ZMYM4: variants seen among roughly 807,000 people sequenced by gnomAD.
ZMYM4 encodes zinc finger MYM-type containing 4, also known as zinc finger MYM-type protein 4.
Under a neutral mutation model 183.2 loss-of-function variants are expected in ZMYM4, and 31 were observed. That is an observed-to-expected ratio of 0.17 (90% CI 0.13 to 0.23). The LOEUF (loss-of-function observed/expected upper bound fraction) is 0.23. ZMYM4 is among the 10% of genes least tolerant of loss of function. ZMYM4 has a pLI of 1.00. For synonymous variants in ZMYM4, 592 were observed against 631.2 expected, an observed-to-expected ratio of 0.94 and a Z score of 0.93; for missense variants, 1,273 against 1,840.3, an observed-to-expected ratio of 0.69 and a Z score of 5.64.
chr1:35,397,058 A>G, intron 19 of ZMYM4: 7 of 1,035,036 alleles, frequency 6.8e-6, no homozygotes, highest in Non-Finnish European at 7.0e-6. Flanking sequence ...CCAGGTACTG[A>G]GTCCTTAAAG....
intron 1 of ZMYM4, among the ~76,000 whole-genome samples, chr1:35,324,613 A>C (rs1642426997): frequency 6.6e-6 from 1 of 152,018 alleles, no homozygotes; most frequent in African/African-American, 2.4e-5. Context: ...TTTTTCCTTA[A>C]AAGTCTCTCC....
chr1:35,386,020 C>A lies in ZMYM4; in HGVS notation c.1721-54C>A. 2.3e-5 allele frequency: 30 copies of A among 1,299,544 alleles called. No homozygotes were observed. The South Asian group carries it at 3.7e-4, about 16-fold the overall frequency. 80.5% of individuals were successfully genotyped at this position (1,299,544 alleles called of 1,614,324 possible). On this transcript the variant is annotated intron_variant, in intron 10 of 29. Transcript: ENST00000314607. Reference sequence around the variant, plus strand: ...GTATAGTATTATTTAATTTCTCATACTTTTGTGTACATTTGTACATATTAC... The same window carrying A: ...GTATAGTATTATTTAATTTCTCATAATTTTGTGTACATTTGTACATATTAC...
chr1:35,291,750 G>A (rs201675495), intron 1 of ZMYM4, among the ~76,000 whole-genome samples: 2 of 149,656 alleles, frequency 1.3e-5, no homozygotes, highest in East Asian at 4.0e-4. Context: ...CGATTCTCCT[G>A]CCTCAGTCTC....
intron 2 of ZMYM4, among the ~76,000 whole-genome samples, chr1:35,344,128 A>G (rs778334921): frequency 1.5e-4 from 23 of 150,668 alleles, no homozygotes; most frequent in Non-Finnish European, 2.4e-4. Context: ...ATCTGGGCTC[A>G]CTGCAACCTC....
At chr1:35,390,172 A>C in intron 15 of ZMYM4, 74 bp downstream of exon 15, 1 of 1,459,862 alleles carries the variant, frequency 6.8e-7, no homozygotes, top group Non-Finnish European at 9.3e-7. Flanking sequence ...CAGATCAGGA[A>C]CTGTGTAAAC....
intron 28 of ZMYM4, among the ~76,000 whole-genome samples, chr1:35,417,150 T>C (rs1451166706): frequency 6.6e-6 from 1 of 151,850 alleles, no homozygotes; most frequent in African/African-American, 2.4e-5. Context: ...TGCGGGAGGA[T>C]TGCTTGACCC....
chr1:35,349,957 T>C (rs1570409689), intron 2 of ZMYM4, among the ~76,000 whole-genome samples: 1 of 151,310 alleles, frequency 6.6e-6, no homozygotes, highest in East Asian at 1.9e-4. Context: ...TTTTTGTTTT[T>C]CATTTTTTAT....
rs522851 is a variant in ZMYM4 at position 35,276,050 on chromosome 1, G to C, written c.39+6965G>C. 8.3e-3 allele frequency among the ~76,000 whole-genome samples: 1,256 copies of C among 151,400 alleles called. 21 individuals carry two copies. Among genetic ancestry groups the C allele is most frequent in the African/African-American group, 0.024 (1,008 of 41,290 alleles). On this transcript the variant is annotated intron_variant, in intron 1 of 29. Transcript: ENST00000314607. ...ATAGTCCTTTTTTTTGTTTTGTTTT[G>C]GTCTATCCAGCGTATAGAACCCAGC...
At chr1:35,399,115 A>C in intron 22 of ZMYM4, 72 bp downstream of exon 22, 2 of 1,432,338 alleles carry the variant, frequency 1.4e-6, no homozygotes, top group Non-Finnish European at 1.9e-6. Context: ...AATTGACACT[A>C]TTAAGCAGTG....
In ZMYM4 at chr1:35,351,053, G is replaced by A. The variant is rs1374607012; in HGVS notation, c.86-7872G>A. On this transcript the variant is annotated intron_variant, in intron 2 of 29. Transcript: ENST00000314607. ...TGCTGGCCCGCAGCCTTCTCAATAG[G>A]TTTGGCATGGACAAGATCTGTGAAT... 29 of 848,014 alleles carry A rather than the reference G, an allele frequency of 3.4e-5. No homozygotes were observed. In the Middle Eastern group the frequency reaches 1.4e-3, roughly 40 times the overall value. The allele number at this position is 848,014 out of a possible 1,614,324, so 52.5% of individuals were successfully genotyped here. A position where few individuals can be genotyped will look rare whatever the true frequency, so the allele number is the denominator to read the frequency against.
At chr1:35,300,065 G>A (rs1641208114) in intron 1 of ZMYM4, among the ~76,000 whole-genome samples, 1 of 152,106 alleles carries the variant, frequency 6.6e-6, no homozygotes, top group Non-Finnish European at 1.5e-5. Flanking sequence ...AAAGTGCTGG[G>A]ATTACAGGCA....
Position 35,361,803 on chromosome 1 carries a change from C to CT in ZMYM4, c.840+20dup, listed in dbSNP as rs747776360. ...GACAATGCTCAAGTAAACATTTCAC[C>CT]TTTTTTCCCCCCTTCTTTTTGTTCC... On this transcript the variant is annotated intron_variant, in intron 5 of 29. Transcript: ENST00000314607. The CT allele has an allele frequency of 2.5e-6, 4 of 1,591,238 alleles. No homozygotes were observed. Among genetic ancestry groups the CT allele is most frequent in the Admixed American group, 3.7e-5 (2 of 53,668 alleles).
intron 1 of ZMYM4, among the ~76,000 whole-genome samples, chr1:35,317,480 G>T (rs377070483): frequency 6.6e-6 from 1 of 152,098 alleles, no homozygotes; most frequent in South Asian, 2.1e-4. Context: ...GCTTTATCAC[G>T]TAATTTAAAT....
At chr1:35,415,059 A>G (rs1371530007) in intron 27 of ZMYM4, among the ~76,000 whole-genome samples, 1 of 152,154 alleles carries the variant, frequency 6.6e-6, no homozygotes, top group Non-Finnish European at 1.5e-5. Flanking sequence ...AAAAAAAGAA[A>G]AGAAAATTAT....
intron 1 of ZMYM4, among the ~76,000 whole-genome samples, chr1:35,280,325 A>G (rs139305703): frequency 6.7e-6 from 1 of 148,458 alleles, no homozygotes; most frequent in East Asian, 2.0e-4. Context: ...TTTAATAGAG[A>G]TGGTGTTTTA....
At chr1:35,310,258 T>C (rs1570319822) in intron 1 of ZMYM4, 1 of 181,780 alleles carries the variant, frequency 5.5e-6, no homozygotes, top group African/African-American at 2.4e-5. Context: ...TCTTTGAATG[T>C]CTTACTTTTA....
At chr1:35,301,504 C>T (rs1641275466) in intron 1 of ZMYM4, among the ~76,000 whole-genome samples, 1 of 151,384 alleles carries the variant, frequency 6.6e-6, no homozygotes, top group Admixed American at 6.6e-5. Context: ...CAAGGTCATG[C>T]CACTGTACTC....
At chr1:35,345,991 T>A (rs1643378252) in intron 2 of ZMYM4, among the ~76,000 whole-genome samples, 1 of 152,234 alleles carries the variant, frequency 6.6e-6, no homozygotes, top group African/African-American at 2.4e-5. Context: ...ACTTTGTCTT[T>A]ATGAATTCAG....
chr1:35,352,486 C>T (rs142755121), intron 2 of ZMYM4, among the ~76,000 whole-genome samples: 9 of 152,206 alleles, frequency 5.9e-5, no homozygotes, highest in African/African-American at 1.9e-4. Flanking sequence ...TCTGTTCCTT[C>T]AGTTCCTCTG....
Sources: allele counts gnomAD v4.1 joint callset (sites outside exome capture counted in the v4.1 genomes callset), GRCh38; gene constraint gnomAD v4.1.1; transcripts MANE v1.5; gene names NCBI Gene and HGNC (gene_info 2026-07-23, HGNC 2026-07-21).